Variants in NLGN1 observed in about 807,000 individuals in gnomAD.
NLGN1 encodes the protein neuroligin 1.
In NLGN1, 12 loss-of-function variants were observed where a neutral mutation model predicts 65.5. The observed-to-expected ratio is 0.18, with a 90% CI of 0.12 to 0.30. NLGN1 has a LOEUF of 0.30. NLGN1 is among the 10% of genes least tolerant of loss of function. The pLI is 1.00. For synonymous variants in NLGN1, 350 were observed against 359.5 expected (o/e 0.97, Z 0.30); for missense variants, 750 against 1,007.1 (o/e 0.74, Z 3.46).
chr3:174,251,925 T>A (rs1490021421), intron 4 of NLGN1, among the ~76,000 whole-genome samples: 1 of 152,160 alleles, frequency 6.6e-6, no homozygotes, highest in African/African-American at 2.4e-5. Context: ...AAAACTGGCT[T>A]AAGCTACGTA....
intron 4 of NLGN1, among the ~76,000 whole-genome samples, chr3:174,235,041 T>C (rs1214432938): frequency 1.8e-5 from 2 of 108,838 alleles, no homozygotes; most frequent in African/African-American, 3.4e-5. Flanking sequence ...ACCATTCTAG[T>C]GACAGCCAGT....
At chr3:174,263,836 C>T (rs1335973301) in intron 4 of NLGN1, among the ~76,000 whole-genome samples, 1 of 151,092 alleles carries the variant, frequency 6.6e-6, no homozygotes, top group African/African-American at 2.4e-5. Context: ...TGTTCCTTTC[C>T]ATGTTTAGCG....
chr3:173,461,079 G>A (rs1471012695), intron 2 of NLGN1, among the ~76,000 whole-genome samples: 8 of 152,066 alleles, frequency 5.3e-5, no homozygotes, highest in Non-Finnish European at 1.2e-4. Flanking sequence ...GCACCAGGGC[G>A]GTCTATTATA....
At chr3:174,055,589 A>C (rs76101309) in intron 4 of NLGN1, among the ~76,000 whole-genome samples, 3,871 of 152,100 alleles carry the variant, frequency 0.025, 67 homozygotes, top group African/African-American at 0.031. Context: ...GCACTCTAGG[A>C]AAATTCATTC....
intron 4 of NLGN1, among the ~76,000 whole-genome samples, chr3:174,079,008 G>C (rs1026201092): frequency 6.6e-6 from 1 of 152,072 alleles, no homozygotes; most frequent in African/African-American, 2.4e-5. Context: ...GTGTGTGTGT[G>C]TGTGTATGTA....
chr3:174,276,690 A>C (rs1412901120), intron 5 of NLGN1, among the ~76,000 whole-genome samples: 1 of 151,906 alleles, frequency 6.6e-6, no homozygotes, highest in Non-Finnish European at 1.5e-5. Context: ...TATAGACTCA[A>C]TTTATTAACA....
chr3:173,539,659 G>GTTATATAT (rs1440793469), intron 2 of NLGN1, among the ~76,000 whole-genome samples: 2 of 138,716 alleles, frequency 1.4e-5, no homozygotes, highest in Non-Finnish European at 3.1e-5. Context: ...TAACATATGT[G>GTTATATAT]TATATATGCA....
intron 3 of NLGN1, among the ~76,000 whole-genome samples, chr3:173,731,662 A>G (rs1196452740): frequency 3.3e-5 from 5 of 152,118 alleles, no homozygotes; most frequent in African/African-American, 1.2e-4. Context: ...GAAAAACAGC[A>G]TGAGAAACAT....
At chr3:173,789,861 C>A (rs755219286) in intron 3 of NLGN1, 7 of 514,552 alleles carry the variant, frequency 1.4e-5, no homozygotes, top group Admixed American at 3.9e-5. Flanking sequence ...TTCCCAACTG[C>A]CTCACCTCCA....
intron 2 of NLGN1, among the ~76,000 whole-genome samples, chr3:173,492,534 G>A (rs1288801758): frequency 1.3e-5 from 2 of 151,682 alleles, no homozygotes; most frequent in African/African-American, 4.9e-5. Context: ...CTATATATTT[G>A]GATATTTTCT....
chr3:174,030,133 T>C (rs982272451), intron 4 of NLGN1, among the ~76,000 whole-genome samples: 6 of 150,976 alleles, frequency 4.0e-5, no homozygotes, highest in African/African-American at 1.5e-4. Context: ...TTTTTTTTTT[T>C]TTTTTTTTTG....
intron 2 of NLGN1, among the ~76,000 whole-genome samples, chr3:173,504,746 C>T (rs188412415): frequency 1.3e-5 from 2 of 152,224 alleles, no homozygotes; most frequent in East Asian, 1.9e-4. Context: ...TTTCAGTCCT[C>T]TTCATTGGTG....
At chr3:173,914,861 CTTTGT>C (rs1423160093) in intron 4 of NLGN1, 4 of 152,094 alleles carry the variant, frequency 2.6e-5, no homozygotes, top group African/African-American at 9.7e-5. Flanking sequence ...TTTTGTTTTA[CTTTGT>C]TTTAAGTTAA....
At chr3:173,435,647 C>T (rs1311242638) in intron 2 of NLGN1, among the ~76,000 whole-genome samples, 1 of 152,112 alleles carries the variant, frequency 6.6e-6, no homozygotes, top group Non-Finnish European at 1.5e-5. Flanking sequence ...CCATCCTAGC[C>T]AACATGGTGA....
At chr3:173,573,806 G>C (rs1224539239) in intron 2 of NLGN1, among the ~76,000 whole-genome samples, 1 of 151,644 alleles carries the variant, frequency 6.6e-6, no homozygotes, top group Non-Finnish European at 1.5e-5. Flanking sequence ...GCTCACGCCT[G>C]TAATCCCAGC....
chr3:173,909,424 A>C (rs1192445256), intron 4 of NLGN1, among the ~76,000 whole-genome samples: 3 of 152,270 alleles, frequency 2.0e-5, no homozygotes, highest in African/African-American at 7.2e-5. Flanking sequence ...AGTTTAATTC[A>C]AATAGGGATT....
chr3:174,284,967 C>T (rs1751949628), exon 7 of NLGN1: 1 of 151,176 alleles, frequency 6.6e-6, no homozygotes, highest in Non-Finnish European at 1.5e-5. Flanking sequence ...AAGAGGAAAA[C>T]AGATGGCACT....
intron 4 of NLGN1, among the ~76,000 whole-genome samples, chr3:174,087,179 C>G (rs1321919301): frequency 6.6e-6 from 1 of 152,088 alleles, no homozygotes; most frequent in East Asian, 1.9e-4. Flanking sequence ...TACTAGGCGT[C>G]GTACCTGGGT....
chr3:173,981,781 AAC>A (rs1435506225), intron 4 of NLGN1, among the ~76,000 whole-genome samples: 3 of 152,160 alleles, frequency 2.0e-5, no homozygotes, highest in Non-Finnish European at 1.5e-5. Context: ...TTCTAACAAT[AAC>A]ACACATATTT....
Sources: allele counts gnomAD v4.1 joint callset (sites outside exome capture counted in the v4.1 genomes callset), GRCh38; gene constraint gnomAD v4.1.1; transcripts MANE v1.5; gene names NCBI Gene and HGNC (gene_info 2026-07-23, HGNC 2026-07-21).